Variants in CNTN4 observed in about 807,000 individuals in gnomAD.
The protein encoded by CNTN4 is contactin 4, also known as contactin-4.
A neutral mutation model predicts 122.5 loss-of-function variants in CNTN4; 77 were observed. The ratio of observed to expected loss-of-function variants is 0.63; its 90% CI spans 0.52 to 0.76. The LOEUF (loss-of-function observed/expected upper bound fraction) is 0.76. Ranked by LOEUF, CNTN4 falls within the 30% of genes least tolerant of loss-of-function variation. CNTN4 has a pLI of 0.00. For missense variants in CNTN4, 1,256 were observed against 1,259.1 expected, an observed-to-expected ratio of 1.00 and a Z score of 0.04; for synonymous variants, 512 against 447.0, an observed-to-expected ratio of 1.15 and a Z score of -1.83.
chr3:3,041,819 G>T (rs147351319), intron 20 of CNTN4, among the ~76,000 whole-genome samples: 1 of 152,130 alleles, frequency 6.6e-6, no homozygotes, highest in East Asian at 1.9e-4. Context: ...TTAGCCAGGC[G>T]TGTTGGCACA....
chr3:2,478,985 C>T (rs2075909583), intron 3 of CNTN4, among the ~76,000 whole-genome samples: 1 of 152,044 alleles, frequency 6.6e-6, no homozygotes, highest in Non-Finnish European at 1.5e-5. Flanking sequence ...TTCCTTTTCA[C>T]ACCAATGAGA....
At chr3:2,197,413 A>G (rs1353798105) in intron 2 of CNTN4, among the ~76,000 whole-genome samples, 1 of 152,222 alleles carries the variant, frequency 6.6e-6, no homozygotes, top group Non-Finnish European at 1.5e-5. Context: ...ATTATTCTGC[A>G]TTTACAATTT....
At chr3:2,578,045 A>G (rs1288983541) in intron 4 of CNTN4, among the ~76,000 whole-genome samples, 2 of 152,186 alleles carry the variant, frequency 1.3e-5, no homozygotes, top group Non-Finnish European at 2.9e-5. Context: ...TTCACAGGAG[A>G]CATATTCTGA....
chr3:3,055,897 C>T (rs1290717805), intron 24 of CNTN4, among the ~76,000 whole-genome samples: 1 of 152,160 alleles, frequency 6.6e-6, no homozygotes, highest in African/African-American at 2.4e-5. Context: ...TAGGAACCTC[C>T]TTACTTTACA....
intron 18 of CNTN4, among the ~76,000 whole-genome samples, chr3:3,038,406 AT>A (rs1699815016): frequency 6.6e-6 from 1 of 152,080 alleles, no homozygotes; most frequent in South Asian, 2.1e-4. Flanking sequence ...CCCAGAAGCC[AT>A]TCGCCCACCC....
intron 4 of CNTN4, among the ~76,000 whole-genome samples, chr3:2,708,573 A>T (rs1216860827): frequency 6.6e-6 from 1 of 152,198 alleles, no homozygotes; most frequent in Non-Finnish European, 1.5e-5. Flanking sequence ...GCCCATTGGT[A>T]TGGGACTGAG....
At chr3:2,510,796 T>C (rs2076865512) in intron 3 of CNTN4, among the ~76,000 whole-genome samples, 1 of 152,156 alleles carries the variant, frequency 6.6e-6, no homozygotes. Flanking sequence ...CACAGGCTAC[T>C]GGTTTATAAC....
At chr3:2,598,710 G>C (rs909330438) in intron 4 of CNTN4, among the ~76,000 whole-genome samples, 22 of 152,160 alleles carry the variant, frequency 1.4e-4, no homozygotes, top group African/African-American at 5.1e-4. Context: ...AAATATAAAG[G>C]GCTGCCAGCA....
At chr3:2,696,178 A>T (rs2149225859) in intron 4 of CNTN4, among the ~76,000 whole-genome samples, 1 of 152,358 alleles carries the variant, frequency 6.6e-6, no homozygotes, top group South Asian at 2.1e-4. Context: ...TTTTCAAGAG[A>T]TCATAAATAA....
intron 2 of CNTN4, among the ~76,000 whole-genome samples, chr3:2,318,474 C>G (rs1203523313): frequency 6.6e-6 from 1 of 152,120 alleles, no homozygotes; most frequent in East Asian, 1.9e-4. Flanking sequence ...TGACTATATT[C>G]TTCTTCATTG....
At chr3:3,033,051 T>G (rs2125692015) in intron 16 of CNTN4, among the ~76,000 whole-genome samples, 1 of 152,320 alleles carries the variant, frequency 6.6e-6, no homozygotes, top group East Asian at 1.9e-4. Context: ...CTCAGATATT[T>G]CCTATCGATT....
intron 4 of CNTN4, among the ~76,000 whole-genome samples, chr3:2,708,331 T>C (rs1023337506): frequency 1.3e-5 from 2 of 152,146 alleles, no homozygotes; most frequent in Non-Finnish European, 2.9e-5. Flanking sequence ...CAACAAAAAG[T>C]AATCATTTAC....
At chr3:3,036,608 CA>C (rs57755039) in intron 17 of CNTN4, among the ~76,000 whole-genome samples, 42 of 148,688 alleles carry the variant, frequency 2.8e-4, no homozygotes, top group African/African-American at 9.6e-4. Context: ...ACTAAAAATA[CA>C]AAAAAAAAAT....
chr3:2,362,045 A>T (rs2045168717), intron 3 of CNTN4, among the ~76,000 whole-genome samples: 1 of 152,208 alleles, frequency 6.6e-6, no homozygotes. Flanking sequence ...GACCAGGTTG[A>T]TTAAGCATTC....
intron 13 of CNTN4, among the ~76,000 whole-genome samples, chr3:2,965,843 C>G (rs899386635): frequency 2.0e-5 from 3 of 152,184 alleles, no homozygotes; most frequent in Admixed American, 6.5e-5. Context: ...CTGTATGTAT[C>G]TAACTCCTAC....
At chr3:2,981,524 A>G (rs926471399) in intron 13 of CNTN4, among the ~76,000 whole-genome samples, 1 of 152,176 alleles carries the variant, frequency 6.6e-6, no homozygotes. Context: ...TAACTCCTGT[A>G]TCACTATCCT....
chr3:2,787,779 T>C (rs1399238363), intron 6 of CNTN4, among the ~76,000 whole-genome samples: 2 of 123,802 alleles, frequency 1.6e-5, no homozygotes, highest in East Asian at 4.7e-4. Flanking sequence ...TGCCATATTG[T>C]TTTGTGGGTT....
intron 5 of CNTN4, among the ~76,000 whole-genome samples, chr3:2,738,284 A>G (rs765900598): frequency 6.6e-6 from 1 of 152,234 alleles, no homozygotes; most frequent in Non-Finnish European, 1.5e-5. Context: ...AGAGATCACA[A>G]ACTGGCAGCT....
At chr3:2,563,792 TG>T (rs1342556739) in intron 3 of CNTN4, among the ~76,000 whole-genome samples, 5 of 152,162 alleles carry the variant, frequency 3.3e-5, no homozygotes, top group Non-Finnish European at 7.4e-5. Flanking sequence ...AATGATGGAC[TG>T]TAAGGTGTGT....
Sources: allele counts gnomAD v4.1 joint callset (sites outside exome capture counted in the v4.1 genomes callset), GRCh38; gene constraint gnomAD v4.1.1; transcripts MANE v1.5; gene names NCBI Gene and HGNC (gene_info 2026-07-23, HGNC 2026-07-21).